The following A2M variants were observed in gnomAD, a reference collection of about 807,000 sequenced individuals.
A2M encodes the protein C3 and PZP-like alpha-2-macroglobulin domain-containing protein 5.
A neutral mutation model predicts 183.9 loss-of-function variants in A2M; 128 were observed. The ratio of observed to expected loss-of-function variants is 0.70; its 90% confidence interval spans 0.60 to 0.81. The LOEUF is 0.81. Ranked by LOEUF, A2M falls within the 30% of genes least tolerant of loss-of-function variation. The probability of loss-of-function intolerance (pLI) is 0.00; values close to 1 mark genes in which losing one functional copy is unlikely to be tolerated. For synonymous variants in A2M, 592 were observed against 670.8 expected (o/e 0.88, Z 1.81); for missense variants, 1,495 against 1,787.6 (o/e 0.84, Z 2.95).
In A2M at chr12:9,112,420, G is replaced by C. The variant is rs56202499; in HGVS notation, c.387C>G (p.Val129=). ...TVMVKNEDSL[V]FVQTDKSIYK... ...AGATTGATTTGTCTGTCTGGACAAA[G>C]ACCAGACTGTCCTCGTTCTTAACCA... The change falls in exon 3 of 36, where the codon GTC becomes GTG. Residue 129 remains valine, a synonymous_variant. Coordinates refer to ENST00000318602, the MANE Select transcript of A2M (RefSeq NM_000014.6). 8.7e-3 allele frequency: 14,090 copies of C among 1,613,882 alleles called. 93 individuals carry two copies. Among genetic ancestry groups the C allele is most frequent in the Middle Eastern group, 0.014 (82 of 6,062 alleles).
intron 8 of A2M, 34 bp downstream of exon 8, chr12:9,107,490 C>A: frequency 6.2e-7 from 1 of 1,610,936 alleles, no homozygotes; most frequent in South Asian, 1.1e-5. Context: ...ATGCCTTTAT[C>A]GCTATTCTCT....
At position 9,074,087 on chromosome 12, in the gene A2M, TAAA is replaced by T. The variant is rs3080599; in HGVS notation, c.3756+470_3756+472del. On this transcript the variant is annotated intron_variant, in intron 29 of 35. Transcript: ENST00000318602. Reference sequence around the variant, plus strand: ...TAGGTGACAGAGCAAGACTCTGTCTTAAAAAAAAAAAAAAAAAAAAGGTGAATA... The same window carrying T: ...TAGGTGACAGAGCAAGACTCTGTCTTAAAAAAAAAAAAAAAAAGGTGAATA... Among the ~76,000 whole-genome samples the T allele has an allele frequency of 2.7e-3, 360 of 131,576 alleles. 3 individuals carry two copies. The highest frequency in any genetic ancestry group is 5.7e-3 in the African/African-American group (203 of 35,612). The allele number at this position is 131,576 out of a possible 152,430, so 86.3% of individuals were successfully genotyped here. A position where few individuals can be genotyped will look rare whatever the true frequency, so the allele number is the denominator to read the frequency against.
chr12:9,095,016 C>T lies in A2M; in HGVS notation c.2082G>A (p.Gln694=). The change falls in exon 17 of 36, where the codon CAG becomes CAA. Residue 694 remains glutamine (Q), a synonymous_variant. Transcript: ENST00000318602. The part of the protein sequence containing the change: ...RKPKMCPQLQ[Q]YEMHGPEGLR... ...GACCTTCAGGTCCATGCATTTCATA[C>T]TGTTGAAGCTGTGGACACATTTTGG... 6.3e-7 allele frequency: 1 copy of T among 1,593,424 alleles called. No individual in the cohort carries two copies. The highest frequency in any genetic ancestry group is 1.3e-5 in the African/African-American group (1 of 74,736).
Position 9,076,776 on chromosome 12 carries a change from T to A in A2M, c.3512A>T (p.Asn1171Ile). 2 of 1,613,942 alleles carry A rather than the reference T, an allele frequency of 1.2e-6. No homozygotes were observed. The highest frequency in any genetic ancestry group is 1.7e-6 in the Non-Finnish European group (2 of 1,179,850). Residue 1171 changes from asparagine (N) to isoleucine (I), a missense_variant, in exon 28 of 36, where the codon AAT (asparagine) becomes ATT (isoleucine). Transcript: ENST00000318602. ...DKRKEVLKSL[N>I]EEAVKKDNSV... is the part of the protein sequence containing the mutation. ...CTCACCTTTCTTCACAGCTTCCTCA[T>A]TAAGTGACTTGAGTACTTCCTTCCT...
At chr12:9,080,065 C>A in intron 23 of A2M, 29 bp downstream of exon 23, 1 of 1,448,146 alleles carries the variant, frequency 6.9e-7, no homozygotes, top group South Asian at 1.3e-5. Context: ...GCTGTTAATG[C>A]CCGGATCCAC....
At chr12:9,113,103 T>C (rs985357523) in intron 2 of A2M, among the ~76,000 whole-genome samples, 2 of 52,642 alleles carry the variant, frequency 3.8e-5, no homozygotes, top group Non-Finnish European at 8.9e-5. Context: ...AAGTCACATT[T>C]TCTTTTTTTT....
At chr12:9,081,135 G>C (rs1454314148) in intron 22 of A2M, among the ~76,000 whole-genome samples, 1 of 151,952 alleles carries the variant, frequency 6.6e-6, no homozygotes, top group African/African-American at 2.4e-5. Flanking sequence ...ATATTCAACA[G>C]ATAAAGAATT....
At chr12:9,106,961 G>A (rs1283447148) in intron 8 of A2M, among the ~76,000 whole-genome samples, 4 of 152,136 alleles carry the variant, frequency 2.6e-5, no homozygotes, top group African/African-American at 9.7e-5. Flanking sequence ...TCACATCGCG[G>A]GATTTAGGGT....
chr12:9,090,522 G>T, intron 19 of A2M, 40 bp from the exon 20 acceptor site: 1 of 1,602,488 alleles, frequency 6.2e-7, no homozygotes, highest in South Asian at 1.1e-5. Context: ...GAGGGAAGGA[G>T]AACAGAGGGA....
At position 9,112,576 on chromosome 12, in the gene A2M, C is replaced by T. The variant is rs373451396; in HGVS notation, c.271-40G>A. 26 of 1,609,678 alleles carry T rather than the reference C, an allele frequency of 1.6e-5. No homozygotes were observed. The African/African-American group carries it at 1.7e-4, about 11-fold the overall frequency. ...CGATCCTGAAACCCCATTCAGCACC[C>T]GCAGGTCTCCTCCCCTATTTGCTGT... is the stretch of plus-strand genomic sequence containing the variant. On this transcript the variant is annotated intron_variant, in intron 2 of 35. Transcript: ENST00000318602.
In A2M at chr12:9,079,652, G is replaced by A. The variant is rs1216606596; in HGVS notation, c.3018C>T (p.Gly1006=). ...LTPEIKSKAI[G]YLNTGYQRQL... ...GTAATCACTCACCAGTGTTGAGATA[G>A]CCAATGGCCTTGGACTTGATCTCTG... Residue 1006 remains glycine (G), a synonymous_variant, in exon 24 of 36, where the codon GGC becomes GGT. Transcript: ENST00000318602. 2 of 1,613,122 alleles carry A rather than the reference G, an allele frequency of 1.2e-6. No homozygotes were observed. The highest frequency in any genetic ancestry group is 2.2e-5 in the South Asian group (2 of 90,932).
At chr12:9,098,350 C>T (rs1949447476) in intron 15 of A2M, 2 of 195,486 alleles carry the variant, frequency 1.0e-5, no homozygotes, top group Non-Finnish European at 2.0e-5. Flanking sequence ...ATTTTCATCA[C>T]ATTTTGTCCT....
intron 35 of A2M, 77 bp from the exon 36 acceptor site, chr12:9,067,916 G>A (rs1416022613): frequency 6.6e-6 from 9 of 1,372,096 alleles, no homozygotes; most frequent in Non-Finnish European, 8.2e-6. Flanking sequence ...CCTTAGTTCT[G>A]GGTAGCATAG....
intron 15 of A2M, among the ~76,000 whole-genome samples, chr12:9,097,530 A>G (rs1254182674): frequency 1.3e-5 from 2 of 152,086 alleles, no homozygotes; most frequent in African/African-American, 2.4e-5. Context: ...TCAATTATAT[A>G]GTAGTTCAAT....
chr12:9,069,593 A>G (rs1048805663), intron 33 of A2M, among the ~76,000 whole-genome samples, 152 bp downstream of exon 33: 3 of 152,208 alleles, frequency 2.0e-5, no homozygotes, highest in Non-Finnish European at 4.4e-5. Flanking sequence ...AATATAAATA[A>G]AGGAGAGAAG....
At chr12:9,110,741 T>C (rs1202599053) in intron 4 of A2M, among the ~76,000 whole-genome samples, 1 of 152,052 alleles carries the variant, frequency 6.6e-6, no homozygotes, top group East Asian at 1.9e-4. Context: ...AAATCTAAAT[T>C]AGTTTCATAT....
intron 4 of A2M, 174 bp downstream of exon 4, chr12:9,111,985 T>C (rs1171012417): frequency 2.6e-6 from 2 of 777,446 alleles, no homozygotes; most frequent in Non-Finnish European, 2.4e-6. Context: ...AAGAATTACC[T>C]ACTTTCTTTA....
At position 9,110,003 on chromosome 12, in the gene A2M, C is replaced by T; in HGVS notation, c.537G>A (p.Gln179=). 1 of 1,613,502 alleles carries T rather than the reference C, an allele frequency of 6.2e-7. No homozygotes were observed. The highest frequency in any genetic ancestry group is 1.1e-5 in the South Asian group (1 of 90,970). The change falls in exon 6 of 36, where the codon CAG becomes CAA. Residue 179 remains glutamine, a synonymous_variant. Coordinates refer to ENST00000318602, the MANE Select transcript of A2M (RefSeq NM_000014.6). The part of the protein sequence containing the change: ...DPKGNRIAQW[Q]SFQLEGGLKQ... ...TGAGGCCACCCTCTAACTGGAAACT[C>T]TGCCATTGTGCGATGCGATTTCCTT...
Position 9,072,166 on chromosome 12 carries a change from T to C in A2M, c.4103+193A>G, listed in dbSNP as rs1948597636. 2.0e-5 allele frequency among the ~76,000 whole-genome samples: 3 copies of C among 152,244 alleles called. No homozygotes were observed. In the South Asian group the frequency reaches 6.2e-4, roughly 31 times the overall value. ...AATTATTACCCTTTAAACAATGAGGTTGCACAATAGTAGATCCTGGATGGA... is the reference window on the plus strand; with the variant it reads ...AATTATTACCCTTTAAACAATGAGGCTGCACAATAGTAGATCCTGGATGGA... On this transcript the variant is annotated intron_variant, in intron 31 of 35. Transcript: ENST00000318602.
Sources: gnomAD v4.1 joint callset for allele counts (sites outside exome capture counted in the v4.1 genomes callset) on GRCh38, gnomAD v4.1.1 for gene constraint, MANE v1.5 for transcripts, NCBI Gene and HGNC (gene_info 2026-07-23, HGNC 2026-07-21) for gene names.